NCKAP5: variants seen among roughly 807,000 people sequenced by gnomAD.
NCKAP5 encodes the protein NCK associated protein 5.
In NCKAP5, 92 loss-of-function variants were observed where a neutral mutation model predicts 167.0. The ratio of observed to expected loss-of-function variants is 0.55; its 90% CI spans 0.47 to 0.66. NCKAP5 has a LOEUF of 0.66. Ranked by LOEUF, NCKAP5 falls within the 30% of genes least tolerant of loss-of-function variation. The probability of loss-of-function intolerance (pLI) is 0.00; values close to 1 mark genes in which losing one functional copy is unlikely to be tolerated. For synonymous variants in NCKAP5, 891 were observed against 877.4 expected (o/e 1.02, Z -0.27); for missense variants, 2,378 against 2,315.0 (o/e 1.03, Z -0.56).
At chr2:133,140,811 T>C (rs60913443) in intron 5 of NCKAP5, among the ~76,000 whole-genome samples, 1 of 149,226 alleles carries the variant, frequency 6.7e-6, no homozygotes, top group East Asian at 1.9e-4. Context: ...ATAAAATGAA[T>C]AACAAATTAT....
At chr2:132,792,137 T>C (rs1357906645) in intron 12 of NCKAP5, among the ~76,000 whole-genome samples, 3 of 152,192 alleles carry the variant, frequency 2.0e-5, no homozygotes, top group Non-Finnish European at 2.9e-5. Flanking sequence ...TTAATAACAT[T>C]AGATTTTCAG....
intron 8 of NCKAP5, among the ~76,000 whole-genome samples, chr2:132,883,826 T>A (rs549434858): frequency 4.6e-5 from 7 of 152,344 alleles, no homozygotes; most frequent in African/African-American, 1.7e-4. Context: ...ATATGTGGTT[T>A]TATTTGTGTT....
chr2:133,187,956 G>A (rs1010848595), intron 5 of NCKAP5, among the ~76,000 whole-genome samples: 13 of 151,998 alleles, frequency 8.6e-5, no homozygotes, highest in African/African-American at 2.9e-4. Flanking sequence ...TTTAATTGGA[G>A]CATTTAGCCC....
At chr2:133,601,463 T>C in the NCKAP5 span, among the ~76,000 whole-genome samples, 6 of 152,142 alleles carry the variant, frequency 3.9e-5, no homozygotes, top group African/African-American at 1.4e-4. Flanking sequence ...GGTGCAGTGT[T>C]TCACGCCTAT....
intron 16 of NCKAP5, among the ~76,000 whole-genome samples, chr2:132,734,827 C>T (rs1691353140): frequency 6.6e-6 from 1 of 152,088 alleles, no homozygotes; most frequent in Admixed American, 6.5e-5. Context: ...AGCCACCAAG[C>T]TATACTGATT....
intron 4 of NCKAP5, among the ~76,000 whole-genome samples, chr2:133,290,035 G>T (rs1679460202): frequency 6.6e-6 from 1 of 152,164 alleles, no homozygotes; most frequent in Non-Finnish European, 1.5e-5. Flanking sequence ...CAATTCTGGG[G>T]ATTATAATTC....
chr2:133,421,648 T>C (rs923118345), intron 3 of NCKAP5, among the ~76,000 whole-genome samples: 3 of 152,196 alleles, frequency 2.0e-5, no homozygotes, highest in Non-Finnish European at 2.9e-5. Flanking sequence ...CAATCCATTA[T>C]CTTCCCAGCC....
intron 3 of NCKAP5, among the ~76,000 whole-genome samples, chr2:133,451,565 T>A (rs1373239924): frequency 5.3e-5 from 8 of 152,226 alleles, no homozygotes; most frequent in Admixed American, 5.2e-4. Flanking sequence ...AGAACTTTTT[T>A]ATCTTTTCCA....
chr2:133,436,497 G>A (rs1439897047), intron 3 of NCKAP5, among the ~76,000 whole-genome samples: 2 of 152,048 alleles, frequency 1.3e-5, no homozygotes, highest in Non-Finnish European at 2.9e-5. Context: ...TTTCAATGAC[G>A]GACCACAATC....
chr2:133,132,245 C>T (rs1399689445), intron 5 of NCKAP5, among the ~76,000 whole-genome samples: 4 of 150,486 alleles, frequency 2.7e-5, no homozygotes, highest in Admixed American at 2.0e-4. Context: ...CGAGATTACA[C>T]CACTGCAATC....
intron 3 of NCKAP5, among the ~76,000 whole-genome samples, chr2:133,358,901 G>A (rs1014494154): frequency 6.6e-5 from 10 of 152,282 alleles, no homozygotes; most frequent in African/African-American, 1.7e-4. Context: ...TGCAAGAAAC[G>A]TGTTAAAGCA....
chr2:133,016,180 A>T (rs2078328138), intron 6 of NCKAP5, among the ~76,000 whole-genome samples: 1 of 152,196 alleles, frequency 6.6e-6, no homozygotes, highest in African/African-American at 2.4e-5. Context: ...TCCGCAGTAA[A>T]ACCAAATAAA....
chr2:133,139,381 T>C (rs986845635), intron 5 of NCKAP5, among the ~76,000 whole-genome samples: 1 of 152,222 alleles, frequency 6.6e-6, no homozygotes, highest in Non-Finnish European at 1.5e-5. Context: ...TTAGTGAAAG[T>C]ATAAGTTTCA....
intron 3 of NCKAP5, among the ~76,000 whole-genome samples, chr2:133,401,255 A>G (rs1346528323): frequency 6.6e-6 from 1 of 152,216 alleles, no homozygotes; most frequent in African/African-American, 2.4e-5. Context: ...TAGAAACTCC[A>G]TTCCCCTGCT....
At chr2:133,179,364 T>C (rs1170688247) in intron 5 of NCKAP5, among the ~76,000 whole-genome samples, 1 of 151,910 alleles carries the variant, frequency 6.6e-6, no homozygotes, top group African/African-American at 2.4e-5. Flanking sequence ...TTTTGAATTT[T>C]GGAGCATTTT....
At chr2:133,273,719 A>T (rs1490635447) in intron 4 of NCKAP5, among the ~76,000 whole-genome samples, 1 of 151,984 alleles carries the variant, frequency 6.6e-6, no homozygotes, top group African/African-American at 2.4e-5. Context: ...AATAATGGTT[A>T]TAATTAAATG....
At chr2:133,633,700 A>G in the NCKAP5 span, among the ~76,000 whole-genome samples, 1 of 152,216 alleles carries the variant, frequency 6.6e-6, no homozygotes, top group Non-Finnish European at 1.5e-5. Context: ...AGATGAATGA[A>G]CTGAAGCTCA....
At chr2:132,969,398 C>G (rs1012455210) in intron 7 of NCKAP5, among the ~76,000 whole-genome samples, 1 of 152,148 alleles carries the variant, frequency 6.6e-6, no homozygotes, top group South Asian at 2.1e-4. Context: ...TCATTAGTGT[C>G]TAGCCTGAAT....
chr2:133,420,423 A>G (rs926079376), intron 3 of NCKAP5, among the ~76,000 whole-genome samples: 1 of 152,234 alleles, frequency 6.6e-6, no homozygotes, highest in Non-Finnish European at 1.5e-5. Context: ...AAACAGCCAG[A>G]TTATTGCCAG....
Sources: allele counts gnomAD v4.1 joint callset (sites outside exome capture counted in the v4.1 genomes callset), GRCh38; gene constraint gnomAD v4.1.1; transcripts MANE v1.5; gene names NCBI Gene and HGNC (gene_info 2026-07-23, HGNC 2026-07-21).